RER1: variants seen among roughly 807,000 people sequenced by gnomAD.
The protein encoded by RER1 is protein RER1.
In RER1, 6 loss-of-function variants were observed where a neutral mutation model predicts 28.3. The ratio of observed to expected loss-of-function variants is 0.21; its 90% CI spans 0.12 to 0.42. The LOEUF (loss-of-function observed/expected upper bound fraction) is 0.42, where lower values mean the gene tolerates loss of function less well. Ranked by LOEUF, RER1 falls within the 10% of genes least tolerant of loss-of-function variation. The pLI is 1.00. For synonymous variants in RER1, 110 were observed against 95.9 expected, an observed-to-expected ratio of 1.15 and a Z score of -0.86; for missense variants, 159 against 252.9, an observed-to-expected ratio of 0.63 and a Z score of 2.52.
At position 2,404,033 on chromosome 1, in the gene RER1, G is replaced by A. The variant is rs892351992; in HGVS notation, c.*909G>A. 2 of 152,274 alleles carry A rather than the reference G, an allele frequency of 1.3e-5. No homozygotes were observed. The highest frequency in any genetic ancestry group is 2.9e-5 in the Non-Finnish European group (2 of 68,056). 9.4% of individuals were successfully genotyped at this position (152,274 alleles called of 1,614,324 possible). A position where few individuals can be genotyped will look rare whatever the true frequency, so the allele number is the denominator to read the frequency against. On this transcript the variant is annotated 3_prime_UTR_variant, in exon 7 of 7. Transcript: ENST00000605895. Reference sequence around the variant, plus strand: ...TAAAACATGGCAGTCGCTGGACACAGGAAAGCCCACCTTTTGTTTGGCCTT... The same window carrying A: ...TAAAACATGGCAGTCGCTGGACACAAGAAAGCCCACCTTTTGTTTGGCCTT...
intron 1 of RER1, 104 bp from the exon 2 acceptor site, chr1:2,395,680 C>T: frequency 3.7e-6 from 3 of 814,250 alleles, no homozygotes; most frequent in Non-Finnish European, 6.4e-6. Context: ...GGACAAAATA[C>T]TGAATGTGGA....
Position 2,405,288 on chromosome 1 carries a change from G to A in RER1, c.*2164G>A. The A allele has an allele frequency of 3.4e-6, 1 of 298,268 alleles. No homozygotes were observed. Among genetic ancestry groups the A allele is most frequent in the Non-Finnish European group, 6.5e-6 (1 of 153,920 alleles). 18.5% of individuals were successfully genotyped at this position (298,268 alleles called of 1,614,324 possible). A position where few individuals can be genotyped will look rare whatever the true frequency, so the allele number is the denominator to read the frequency against. ...GCGCCGCCTCCCATGGGGCCGTGGG[G>A]CTGCTGTTCTCACTGCACTGGCTGA... On this transcript the variant is annotated 3_prime_UTR_variant, in exon 7 of 7. Coordinates refer to ENST00000605895, the MANE Select transcript of RER1 (RefSeq NM_007033.5).
At position 2,395,769 on chromosome 1, in the gene RER1, G is replaced by A; in HGVS notation, c.-7-15G>A. On this transcript the variant is annotated splice_polypyrimidine_tract_variant and intron_variant, in intron 1 of 6. Transcript: ENST00000605895. ...AATGCTTTTTACTGAAAAGTATTTT[G>A]TGTTTTTCTCCCAGTTACAGAATGT... is the stretch of plus-strand genomic sequence containing the variant. 1.9e-6 allele frequency: 3 copies of A among 1,582,736 alleles called. No individual in the cohort carries two copies. The highest frequency in any genetic ancestry group is 2.6e-6 in the Non-Finnish European group (3 of 1,151,376).
At chr1:2,399,705 T>G (rs1050470704) in intron 4 of RER1, among the ~76,000 whole-genome samples, 191 bp downstream of exon 4, 1 of 152,182 alleles carries the variant, frequency 6.6e-6, no homozygotes, top group Non-Finnish European at 1.5e-5. Flanking sequence ...AAGTGGGTGT[T>G]CATTCTGTTT....
At position 2,400,742 on chromosome 1, in the gene RER1, A is replaced by T; in HGVS notation, c.287-115A>T. 6 of 860,492 alleles carry T rather than the reference A, an allele frequency of 7.0e-6. No homozygotes were observed. In the South Asian group the frequency reaches 8.6e-5, roughly 12 times the overall value. 53.3% of individuals were successfully genotyped at this position (860,492 alleles called of 1,614,324 possible). ...TTCTCGTTTTCTCTGGTTAAATGAC[A>T]TGAATCTCGGTTTAGATTTGTGAGG... On this transcript the variant is annotated intron_variant, in intron 4 of 6. Transcript: ENST00000605895.
At chr1:2,398,104 C>T (rs776726514) in intron 3 of RER1, among the ~76,000 whole-genome samples, 1 of 152,236 alleles carries the variant, frequency 6.6e-6, no homozygotes, top group Non-Finnish European at 1.5e-5. Context: ...GCAGCACCCA[C>T]AGGTCAGTTT....
chr1:2,397,152 A>G lies in RER1; in HGVS notation c.118A>G (p.Thr40Ala). The change falls in exon 3 of 7, where the codon ACG (threonine) becomes GCG (alanine). Residue 40 changes from threonine (T) to alanine (A), a missense_variant. Physicochemically the swap from Thr to Ala is moderately conservative, Grantham distance 58 (BLOSUM62 0). Coordinates refer to ENST00000605895, the MANE Select transcript of RER1 (RefSeq NM_007033.5). ...CTGGCTAGACAAGTCCACACCCTACACGGCTGTGCGATGGGTCGTGACACT... is the reference window on the plus strand; with the variant it reads ...CTGGCTAGACAAGTCCACACCCTACGCGGCTGTGCGATGGGTCGTGACACT... ...QSWLDKSTPY[T>A]AVRWVVTLGL... 1 of 1,613,744 alleles carries G rather than the reference A, an allele frequency of 6.2e-7. No individual in the cohort carries two copies. The highest frequency in any genetic ancestry group is 2.2e-5 in the East Asian group (1 of 44,886).
chr1:2,400,491 C>T (rs981302913), intron 4 of RER1, among the ~76,000 whole-genome samples: 7 of 152,248 alleles, frequency 4.6e-5, no homozygotes, highest in South Asian at 2.1e-4. Flanking sequence ...CCGGGTTCCA[C>T]GGTCAGCGCA....
rs567466286 is a variant in RER1, at chr1:2,393,578, C to G, written c.-8+1620C>G. Among the ~76,000 whole-genome samples the G allele has an allele frequency of 9.2e-5, 14 of 152,278 alleles. No individual in the cohort carries two copies. The South Asian group carries it at 2.7e-3, about 29-fold the overall frequency. On this transcript the variant is annotated intron_variant, in intron 1 of 6. Transcript: ENST00000605895. The stretch of plus-strand genomic sequence containing the variant: ...CCAAGGGTGCTCCACGGGCTGCCCA[C>G]TGATTCCTCACGAGAGCCTTGTGGA...
chr1:2,398,460 C>T (rs1351546972), intron 3 of RER1, among the ~76,000 whole-genome samples: 1 of 152,248 alleles, frequency 6.6e-6, no homozygotes, highest in African/African-American at 2.4e-5. Context: ...CTGATCTTGG[C>T]TCACTGCAAC....
At chr1:2,392,753 A>C (rs941001493) in intron 1 of RER1, among the ~76,000 whole-genome samples, 4 of 152,222 alleles carry the variant, frequency 2.6e-5, no homozygotes, top group Admixed American at 6.5e-5. Context: ...TCAGACTCTC[A>C]CATGGCTTCT....
At chr1:2,392,343 G>T (rs2100392149) in intron 1 of RER1, among the ~76,000 whole-genome samples, 1 of 152,362 alleles carries the variant, frequency 6.6e-6, no homozygotes, top group East Asian at 1.9e-4. Flanking sequence ...CTGTATTCCA[G>T]AGTAATGTGC....
rs1037982084 is a variant in RER1, at chr1:2,399,351, G to A, written c.187-64G>A. 17 of 1,135,718 alleles carry A rather than the reference G, an allele frequency of 1.5e-5. No homozygotes were observed. In the African/African-American group the frequency reaches 2.1e-4, roughly 14 times the overall value. The allele number at this position is 1,135,718 out of a possible 1,614,324, so 70.4% of individuals were successfully genotyped here. On this transcript the variant is annotated intron_variant, in intron 3 of 6. Transcript: ENST00000605895. ...GTTGAGAGTGAACCGGAGTGCAAAC[G>A]TGAACTGGCTCAGGCTGATGGACGG...
chr1:2,400,337 TGGA>T (rs1557903138), intron 4 of RER1, among the ~76,000 whole-genome samples: 1 of 152,212 alleles, frequency 6.6e-6, no homozygotes, highest in African/African-American at 2.4e-5. Context: ...TGTTGCTGTT[TGGA>T]GGAGACTAGA....
In RER1 at chr1:2,397,234, G is replaced by A. The variant is rs773634415; in HGVS notation, c.186+14G>A. Reference sequence around the variant, plus strand: ...TACCTGCTGCAGGTAGGTGTGGGCTGAAGTGACGAGACTTGGCTCTGTCCA... The same window carrying A: ...TACCTGCTGCAGGTAGGTGTGGGCTAAAGTGACGAGACTTGGCTCTGTCCA... On this transcript the variant is annotated intron_variant, in intron 3 of 6. Coordinates refer to ENST00000605895, the MANE Select transcript of RER1 (RefSeq NM_007033.5). The A allele has an allele frequency of 1.0e-5, 16 of 1,562,418 alleles. No individual in the cohort carries two copies. The highest frequency in any genetic ancestry group is 1.4e-5 in the African/African-American group (1 of 73,872).
rs781047579 is a variant in RER1 at position 2,403,046 on chromosome 1, G to A, written c.513G>A (p.Lys171=). 18 of 1,613,734 alleles carry A rather than the reference G, an allele frequency of 1.1e-5. No homozygotes were observed. Among genetic ancestry groups the A allele is most frequent in the Non-Finnish European group, 1.4e-5 (17 of 1,179,814 alleles). The change falls in exon 7 of 7, where the codon AAG becomes AAA. Residue 171 remains lysine, a synonymous_variant. Transcript: ENST00000605895. The part of the protein sequence containing the change: ...TMKRQIKHMI[K]YRYIPFTHGK... ...GTTTCTCTCCCCAGCACATGATTAA[G>A]TACCGGTACATCCCGTTCACACATG... is the stretch of plus-strand genomic sequence containing the variant.
At chr1:2,399,790 A>T (rs1346701005) in intron 4 of RER1, among the ~76,000 whole-genome samples, 1 of 152,220 alleles carries the variant, frequency 6.6e-6, no homozygotes, top group Non-Finnish European at 1.5e-5. Flanking sequence ...CACCACAGAC[A>T]GTAGGGGTCT....
chr1:2,393,389 A>G (rs1642719076), intron 1 of RER1, among the ~76,000 whole-genome samples: 1 of 152,188 alleles, frequency 6.6e-6, no homozygotes, highest in Non-Finnish European at 1.5e-5. Context: ...AAATAAAAAT[A>G]GGGTGATGTG....
At position 2,398,601 on chromosome 1, in the gene RER1, C is replaced by T. The variant is rs192248054; in HGVS notation, c.187-814C>T. Among the ~76,000 whole-genome samples the T allele has an allele frequency of 1.0e-3, 153 of 152,336 alleles. 1 individual carries two copies. The highest frequency in any genetic ancestry group is 3.4e-3 in the African/African-American group (143 of 41,572). ...ACGAGGTTTCACCATGTTGGCCAGG[C>T]TGGTCTTGAACTCCTGACCTCAGGT... is the stretch of plus-strand genomic sequence containing the variant. On this transcript the variant is annotated intron_variant, in intron 3 of 6. Coordinates refer to ENST00000605895, the MANE Select transcript of RER1 (RefSeq NM_007033.5).
Sources: gnomAD v4.1 joint callset for allele counts (sites outside exome capture counted in the v4.1 genomes callset) on GRCh38, gnomAD v4.1.1 for gene constraint, MANE v1.5 for transcripts, NCBI Gene and HGNC (gene_info 2026-07-23, HGNC 2026-07-21) for gene names.